The following RNF180 variants were observed in gnomAD, a reference collection of about 807,000 sequenced individuals.
The protein encoded by RNF180 is ring finger protein 180.
A neutral mutation model predicts 59.2 loss-of-function variants in RNF180; 38 were observed. That is an observed-to-expected ratio of 0.64 (90% CI 0.50 to 0.84). RNF180 has a LOEUF of 0.84. RNF180 is among the 40% of genes least tolerant of loss of function. The probability of loss-of-function intolerance (pLI) is 0.00; values close to 1 mark genes in which losing one functional copy is unlikely to be tolerated. For missense variants in RNF180, 705 were observed against 700.9 expected (o/e 1.01, Z -0.07); for synonymous variants, 262 against 240.3 (o/e 1.09, Z -0.84).
chr5:64,351,721 T>C (rs531236913), intron 7 of RNF180, among the ~76,000 whole-genome samples: 1 of 151,816 alleles, frequency 6.6e-6, no homozygotes, highest in Non-Finnish European at 1.5e-5. Context: ...GATTTTCGTA[T>C]GTTGAACCAG....
At chr5:64,359,683 T>C (rs1377507313) in intron 7 of RNF180, among the ~76,000 whole-genome samples, 1 of 151,820 alleles carries the variant, frequency 6.6e-6, no homozygotes, top group African/African-American at 2.4e-5. Flanking sequence ...CCATTGCTTT[T>C]GGTGTTTTAG....
intron 1 of RNF180, among the ~76,000 whole-genome samples, chr5:64,188,366 A>G (rs1750971333): frequency 6.6e-6 from 1 of 152,164 alleles, no homozygotes. Context: ...TAATTATGCT[A>G]AACTTAATGG....
intron 5 of RNF180, among the ~76,000 whole-genome samples, chr5:64,245,140 A>G (rs548817007): frequency 5.4e-4 from 83 of 152,324 alleles, no homozygotes; most frequent in Non-Finnish European, 1.1e-3. Context: ...AAAACATACC[A>G]AATTGTAAAG....
intron 5 of RNF180, among the ~76,000 whole-genome samples, chr5:64,315,863 T>A (rs1744016148): frequency 6.6e-6 from 1 of 151,418 alleles, no homozygotes; most frequent in African/African-American, 2.4e-5. Context: ...ACAATAAAAA[T>A]AAAAATTAAT....
At chr5:64,184,249 C>T (rs759954336) in intron 1 of RNF180, among the ~76,000 whole-genome samples, 2 of 152,160 alleles carry the variant, frequency 1.3e-5, no homozygotes, top group African/African-American at 2.4e-5. Flanking sequence ...ACTACCCAGT[C>T]TGTGGTACTT....
chr5:64,294,362 A>C (rs773074437), intron 5 of RNF180, among the ~76,000 whole-genome samples: 2 of 152,104 alleles, frequency 1.3e-5, no homozygotes, highest in Non-Finnish European at 2.9e-5. Context: ...AAATATATAC[A>C]CCTGCTATAT....
At chr5:64,356,916 C>T (rs1249745260) in intron 7 of RNF180, among the ~76,000 whole-genome samples, 1 of 151,768 alleles carries the variant, frequency 6.6e-6, no homozygotes, top group African/African-American at 2.4e-5. Flanking sequence ...GGTTGTACAA[C>T]ATTGTGAATG....
chr5:64,204,049 G>T (rs145528586), intron 2 of RNF180, among the ~76,000 whole-genome samples: 2 of 152,062 alleles, frequency 1.3e-5, no homozygotes, highest in African/African-American at 2.4e-5. Flanking sequence ...AAGTGTTTAT[G>T]AACTTTCTGT....
intron 1 of RNF180, among the ~76,000 whole-genome samples, chr5:64,167,416 C>G (rs185904819): frequency 5.9e-5 from 9 of 152,062 alleles, no homozygotes; most frequent in African/African-American, 1.4e-4. Flanking sequence ...TTTTCTTCCT[C>G]TCTTTCATTT....
intron 5 of RNF180, among the ~76,000 whole-genome samples, chr5:64,223,626 C>T (rs1437032278): frequency 6.6e-6 from 1 of 152,068 alleles, no homozygotes; most frequent in Non-Finnish European, 1.5e-5. Context: ...AAGTTTGTGC[C>T]CTTAACCATT....
chr5:64,357,326 A>G (rs953129015), intron 7 of RNF180, among the ~76,000 whole-genome samples: 1 of 151,810 alleles, frequency 6.6e-6, no homozygotes, highest in Non-Finnish European at 1.5e-5. Context: ...ACCTACTTAT[A>G]TCAATCAACT....
At chr5:64,369,500 A>G in intron 7 of RNF180, 115 bp from the exon 8 acceptor site, 3 of 566,540 alleles carry the variant, frequency 5.3e-6, no homozygotes, top group Non-Finnish European at 5.8e-6. Context: ...GGAATACAAC[A>G]TAACTCCGCT....
intron 7 of RNF180, among the ~76,000 whole-genome samples, chr5:64,347,343 G>A (rs553679820): frequency 6.6e-6 from 1 of 152,158 alleles, no homozygotes; most frequent in African/African-American, 2.4e-5. Context: ...AAGAGGAGTG[G>A]TTTAAAATGG....
chr5:64,343,342 C>T (rs958333316), intron 7 of RNF180, among the ~76,000 whole-genome samples: 1 of 152,048 alleles, frequency 6.6e-6, no homozygotes, highest in Non-Finnish European at 1.5e-5. Context: ...GAATTAAGAA[C>T]ATATGATATG....
intron 7 of RNF180, among the ~76,000 whole-genome samples, chr5:64,355,274 G>C (rs1745972491): frequency 6.6e-6 from 1 of 151,884 alleles, no homozygotes; most frequent in South Asian, 2.1e-4. Context: ...TGTACACTAG[G>C]AATGAACAAT....
chr5:64,350,679 G>C (rs539487911), intron 7 of RNF180, among the ~76,000 whole-genome samples: 2 of 151,890 alleles, frequency 1.3e-5, no homozygotes, highest in South Asian at 4.2e-4. Context: ...CTTTCCCCAT[G>C]TCTTGTTTTT....
intron 5 of RNF180, among the ~76,000 whole-genome samples, chr5:64,281,342 C>G (rs1427667225): frequency 1.3e-5 from 2 of 152,172 alleles, no homozygotes; most frequent in Non-Finnish European, 2.9e-5. Flanking sequence ...ACTATGTTGA[C>G]TAGGCATGAT....
At chr5:64,337,050 G>A (rs925297122) in intron 7 of RNF180, among the ~76,000 whole-genome samples, 1 of 149,470 alleles carries the variant, frequency 6.7e-6, no homozygotes, top group East Asian at 2.0e-4. Context: ...TTGAGACAAC[G>A]TCTCACTCTG....
At chr5:64,358,514 C>A (rs1462264314) in intron 7 of RNF180, among the ~76,000 whole-genome samples, 3 of 151,646 alleles carry the variant, frequency 2.0e-5, no homozygotes, top group Non-Finnish European at 4.4e-5. Context: ...TCAAGAAGAA[C>A]TAGAAGACAT....
Sources: gnomAD v4.1 joint callset for allele counts (sites outside exome capture counted in the v4.1 genomes callset) on GRCh38, gnomAD v4.1.1 for gene constraint, MANE v1.5 for transcripts, NCBI Gene and HGNC (gene_info 2026-07-23, HGNC 2026-07-21) for gene names.